Variants in BDKRB1 observed in about 807,000 individuals in gnomAD.
The protein encoded by BDKRB1 is bradykinin receptor B1, also known as B1 bradykinin receptor.
For missense variants in BDKRB1, 414 were observed against 441.4 expected, an observed-to-expected ratio of 0.94 and a Z score of 0.56; for synonymous variants, 192 against 189.1, an observed-to-expected ratio of 1.02 and a Z score of -0.13.
intron 1 of BDKRB1, among the ~76,000 whole-genome samples, chr14:96,257,603 G>A (rs1252242304): frequency 1.3e-5 from 2 of 152,058 alleles, no homozygotes; most frequent in African/African-American, 4.8e-5. Flanking sequence ...AACTCTCAAT[G>A]CCCCAGCCCC....
rs1487426193 is a variant in BDKRB1, at chr14:96,262,752, C to G, written c.-29C>G. The G allele has an allele frequency of 2.6e-5, 11 of 426,896 alleles. No individual in the cohort carries two copies. Among genetic ancestry groups the G allele is most frequent in the Non-Finnish European group, 2.8e-5 (6 of 218,162 alleles). The allele number at this position is 426,896 out of a possible 1,614,324, so 26.4% of individuals were successfully genotyped here. ...AAACGATTCTCCCACCTCAGCCTCT[C>G]GAGTTGCTGGGACCACAGGTATGCA... On this transcript the variant is annotated 5_prime_UTR_variant, in exon 2 of 3. Transcript: ENST00000216629.
In BDKRB1 at chr14:96,264,617, A is replaced by T. The variant is rs925794298; in HGVS notation, c.935A>T (p.Tyr312Phe). The T allele has an allele frequency of 4.3e-6, 7 of 1,614,144 alleles. No individual in the cohort carries two copies. The Middle Eastern group carries it at 1.2e-3, about 266-fold the overall frequency. The change falls in exon 3 of 3, where the codon TAT becomes TTT. Residue 312 changes from tyrosine to phenylalanine, a missense_variant. Physicochemically the swap from Tyr to Phe is conservative, Grantham distance 22. Transcript: ENST00000216629. ...FTNSSLNPVI[Y>F]VFVGRLFRTK... ...AACAGCTCCCTGAATCCAGTAATTT[A>T]TGTCTTTGTGGGCCGGCTCTTCAGG...
chr14:96,257,531 G>C (rs1300732626), intron 1 of BDKRB1, among the ~76,000 whole-genome samples: 1 of 152,120 alleles, frequency 6.6e-6, no homozygotes, highest in Non-Finnish European at 1.5e-5. Flanking sequence ...AACTCAAGAT[G>C]AGATTTGGGT....
chr14:96,257,398 G>A (rs1885640899), intron 1 of BDKRB1, among the ~76,000 whole-genome samples: 1 of 152,172 alleles, frequency 6.6e-6, no homozygotes, highest in Non-Finnish European at 1.5e-5. Flanking sequence ...TGGAGATCAG[G>A]AGTTCAAACT....
intron 1 of BDKRB1, among the ~76,000 whole-genome samples, chr14:96,257,446 T>C (rs1885642161): frequency 6.6e-6 from 1 of 152,240 alleles, no homozygotes; most frequent in Non-Finnish European, 1.5e-5. Context: ...TTGGCTTGGC[T>C]TTGTTCTCCA....
intron 1 of BDKRB1, chr14:96,259,344 T>TA (rs1555362031): frequency 1.3e-5 from 2 of 152,216 alleles, no homozygotes; most frequent in South Asian, 2.1e-4. Context: ...TCCAGTTTTT[T>TA]AAAAAAATTC....
chr14:96,258,481 T>C (rs907625895), intron 1 of BDKRB1, among the ~76,000 whole-genome samples: 5 of 152,256 alleles, frequency 3.3e-5, no homozygotes, highest in African/African-American at 1.2e-4. Context: ...AGGCAGAGGC[T>C]GTTCTCAAGT....
intron 1 of BDKRB1, among the ~76,000 whole-genome samples, chr14:96,258,579 G>A (rs1044394323): frequency 6.6e-6 from 1 of 152,184 alleles, no homozygotes; most frequent in African/African-American, 2.4e-5. Context: ...GGAATGTAGT[G>A]GTGCGATCTT....
chr14:96,262,146 G>A (rs989484378), intron 1 of BDKRB1, among the ~76,000 whole-genome samples: 1 of 150,922 alleles, frequency 6.6e-6, no homozygotes, highest in East Asian at 1.9e-4. Flanking sequence ...CTGTGAGCAC[G>A]GCCTCTGGGG....
intron 2 of BDKRB1, among the ~76,000 whole-genome samples, chr14:96,262,972 G>C (rs186630781): frequency 1.3e-5 from 2 of 152,056 alleles, no homozygotes; most frequent in East Asian, 3.9e-4. Flanking sequence ...TCCTAGCACT[G>C]TCCCCACCCC....
rs1181620611 is a variant in BDKRB1 at position 96,264,284 on chromosome 14, C to A, written c.602C>A (p.Ala201Glu). ...CTCCCCCATGAGGCCTGGCACTTTG[C>A]AAGGATTGTGGAGTTAAATATTCTG... ...LLLPHEAWHF[A>E]RIVELNILGF... Residue 201 changes from alanine (A) to glutamate (E), a missense_variant, in exon 3 of 3, where the codon GCA (alanine) becomes GAA (glutamate). By Grantham distance (107) the Ala-to-Glu change is moderately radical. Transcript: ENST00000216629. The A allele has an allele frequency of 6.2e-7, 1 of 1,614,254 alleles. No individual in the cohort carries two copies. The highest frequency in any genetic ancestry group is 1.1e-5 in the South Asian group (1 of 91,088).
intron 1 of BDKRB1, among the ~76,000 whole-genome samples, chr14:96,258,116 T>G (rs1361462899): frequency 6.6e-6 from 1 of 152,244 alleles, no homozygotes; most frequent in Non-Finnish European, 1.5e-5. Context: ...TCTTTAAATA[T>G]ATATGCATAC....
In BDKRB1 at chr14:96,264,336, C is replaced by A; in HGVS notation, c.654C>A (p.Ile218=). The change falls in exon 3 of 3, where the codon ATC becomes ATA. Residue 218 remains isoleucine (I), a synonymous_variant. Coordinates refer to ENST00000216629, the MANE Select transcript of BDKRB1 (RefSeq NM_000710.4). ...ILGFLLPLAA[I]VFFNYHILAS... ...GTTTCCTCCTACCACTGGCTGCGAT[C>A]GTCTTCTTCAACTACCACATCCTGG... The A allele has an allele frequency of 1.2e-6, 2 of 1,614,228 alleles. No homozygotes were observed. Among genetic ancestry groups the A allele is most frequent in the African/African-American group, 1.3e-5 (1 of 75,050 alleles).
intron 1 of BDKRB1, chr14:96,259,802 G>T (rs1655247068): frequency 6.6e-6 from 1 of 152,178 alleles, no homozygotes; most frequent in Non-Finnish European, 1.5e-5. Context: ...CTGGTGTTGA[G>T]CTGGCACCAT....
At chr14:96,259,715 T>C (rs1002439482) in intron 1 of BDKRB1, 2 of 152,240 alleles carry the variant, frequency 1.3e-5, no homozygotes, top group African/African-American at 4.8e-5. Context: ...AAGCCCTGCT[T>C]GGCTTCCATG....
At chr14:96,258,324 A>G (rs1443976491) in intron 1 of BDKRB1, among the ~76,000 whole-genome samples, 6 of 152,182 alleles carry the variant, frequency 3.9e-5, no homozygotes, top group Admixed American at 3.9e-4. Context: ...ATTTTTCCAT[A>G]TAATTGCCTG....
rs749027831 is a variant in BDKRB1 at position 96,263,861 on chromosome 14, T to C, written c.179T>C (p.Leu60Ser). ...FGLLGNLFVL[L>S]VFLLPRRQLN... ...CTCCTAGGGAACCTTTTTGTCCTGT[T>C]GGTCTTCCTCCTGCCCCGGCGGCAA... is the stretch of plus-strand genomic sequence containing the variant. The change falls in exon 3 of 3, where the codon TTG becomes TCG. Residue 60 changes from leucine to serine, a missense_variant. By Grantham distance (145) the Leu-to-Ser change is moderately radical. Transcript: ENST00000216629. 1.2e-4 allele frequency: 195 copies of C among 1,614,114 alleles called. No homozygotes were observed. Among genetic ancestry groups the C allele is most frequent in the Non-Finnish European group, 1.6e-4 (190 of 1,180,042 alleles).
At position 96,264,624 on chromosome 14, in the gene BDKRB1, T is replaced by A. The variant is rs767946457; in HGVS notation, c.942T>A (p.Phe314Leu). 6.2e-7 allele frequency: 1 copy of A among 1,614,222 alleles called. No homozygotes were observed. Among genetic ancestry groups the A allele is most frequent in the Admixed American group, 1.7e-5 (1 of 60,032 alleles). ...CCCTGAATCCAGTAATTTATGTCTT[T>A]GTGGGCCGGCTCTTCAGGACCAAGG... ...NSSLNPVIYV[F>L]VGRLFRTKVW... The change falls in exon 3 of 3, where the codon TTT becomes TTA. Residue 314 changes from phenylalanine to leucine, a missense_variant. Physicochemically the swap from Phe to Leu is conservative, Grantham distance 22. Coordinates refer to ENST00000216629, the MANE Select transcript of BDKRB1 (RefSeq NM_000710.4).
chr14:96,264,209 G>A lies in BDKRB1; in HGVS notation c.527G>A (p.Arg176Gln), dbSNP rs145002930. The A allele has an allele frequency of 2.5e-5, 41 of 1,613,252 alleles. No individual in the cohort carries two copies. Among genetic ancestry groups the A allele is most frequent in the East Asian group, 2.0e-4 (9 of 44,884 alleles). The change falls in exon 3 of 3, where the codon CGA (arginine) becomes CAA (glutamine). Residue 176 changes from arginine to glutamine, a missense_variant. Arg to Gln is a conservative substitution (Grantham distance 43, BLOSUM62 1). Transcript: ENST00000216629. ...GLLSIPTFLL[R>Q]SIQAVPDLNI... is the part of the protein sequence containing the mutation. ...TTGAGCATCCCCACATTCCTGCTGC[G>A]ATCCATCCAAGCCGTCCCAGATCTG...
Sources: gnomAD v4.1 joint callset for allele counts (sites outside exome capture counted in the v4.1 genomes callset) on GRCh38, gnomAD v4.1.1 for gene constraint, MANE v1.5 for transcripts, NCBI Gene and HGNC (gene_info 2026-07-23, HGNC 2026-07-21) for gene names.